The following AHNAK variants were observed in gnomAD, a reference collection of about 807,000 sequenced individuals.
The protein encoded by AHNAK is neuroblast differentiation-associated protein AHNAK.
AHNAK carries 23 observed loss-of-function variants against 37.8 expected under a neutral mutation model. That is an observed-to-expected ratio of 0.61 (90% CI 0.44 to 0.86). AHNAK has a LOEUF of 0.86. Among genes scored for constraint, AHNAK ranks in the 40% least tolerant of loss-of-function variants. The pLI is 0.00. For missense variants in AHNAK, 7,411 were observed against 7,319.4 expected (o/e 1.01, Z -0.46); for synonymous variants, 2,481 against 2,636.3 (o/e 0.94, Z 1.80).
chr11:62,525,906 C>T lies in AHNAK; in HGVS notation c.8511G>A (p.Met2837Ile). The T allele has an allele frequency of 6.2e-7, 1 of 1,614,218 alleles. No individual in the cohort carries two copies. Among genetic ancestry groups the T allele is most frequent in the South Asian group, 1.1e-5 (1 of 91,078 alleles). ...EMHFKTPKISMPDIDLNLTGP... is the reference protein window; with the variant it reads ...EMHFKTPKISIPDIDLNLTGP... ...CTGTGAGATTCAGGTCAATATCTGG[C>T]ATGGATATCTTTGGAGTCTTAAAAT... The change falls in exon 5 of 5, where the codon ATG becomes ATA. Residue 2837 changes from methionine (M) to isoleucine (I), a missense_variant. Transcript: ENST00000378024.
intron 5 of AHNAK, among the ~76,000 whole-genome samples, chr11:62,487,105 C>T (rs532780978): frequency 7.2e-5 from 11 of 152,258 alleles, no homozygotes; most frequent in Admixed American, 5.9e-4. Flanking sequence ...ACCAGTGGTG[C>T]GGGACGTCTG....
intron 5 of AHNAK, among the ~76,000 whole-genome samples, chr11:62,474,725 A>G (rs1231294643): frequency 6.6e-6 from 1 of 152,206 alleles, no homozygotes; most frequent in Admixed American, 6.5e-5. Context: ...TGAGCTGGAC[A>G]TTTAGTCAGT....
chr11:62,445,864 A>G (rs1280298593), intron 5 of AHNAK, among the ~76,000 whole-genome samples: 1 of 151,942 alleles, frequency 6.6e-6, no homozygotes, highest in Non-Finnish European at 1.5e-5. Context: ...TAAAAATACA[A>G]AGTTAGCTGG....
At chr11:62,462,205 C>T (rs7941211) in intron 5 of AHNAK, among the ~76,000 whole-genome samples, 5 of 152,154 alleles carry the variant, frequency 3.3e-5, no homozygotes, top group African/African-American at 1.2e-4. Flanking sequence ...ACAGTCCCCC[C>T]ACCCCAACGC....
intron 4 of AHNAK, among the ~76,000 whole-genome samples, chr11:62,509,129 A>C (rs1310554509): frequency 2.6e-5 from 4 of 152,296 alleles, no homozygotes; most frequent in Middle Eastern, 3.4e-3. Context: ...TTCCTGCCCC[A>C]AAATGTATAA....
At position 62,519,655 on chromosome 11, in the gene AHNAK, A is replaced by G. The variant is rs1165275037; in HGVS notation, c.14762T>C (p.Val4921Ala). 6 of 1,614,034 alleles carry G rather than the reference A, an allele frequency of 3.7e-6. No individual in the cohort carries two copies. The highest frequency in any genetic ancestry group is 5.1e-6 in the Non-Finnish European group (6 of 1,179,990). Residue 4921 changes from valine (V) to alanine (A), a missense_variant, in exon 5 of 5, where the codon GTT becomes GCT. Physicochemically the swap from Val to Ala is moderately conservative, Grantham distance 64. Coordinates refer to ENST00000378024, the MANE Select transcript of AHNAK (RefSeq NM_001620.3). ...TTTTGGTGCCTTGAGATGCAAATCA[A>G]CATCAGGAGCAGTTACTTTAGGAGC... ...ISAPKVTAPD[V>A]DLHLKAPKIG...
rs1400585232 is a variant in AHNAK, at chr11:62,523,387, T to A, written c.11030A>T (p.Asp3677Val). 1 of 1,613,020 alleles carries A rather than the reference T, an allele frequency of 6.2e-7. No individual in the cohort carries two copies. Among genetic ancestry groups the A allele is most frequent in the Non-Finnish European group, 8.5e-7 (1 of 1,179,644 alleles). ...KAPKISMPDFDLNLKGPKMKG... is the reference protein window; with the variant it reads ...KAPKISMPDFVLNLKGPKMKG... ...CATTTTGGGTCCCTTCAAGTTCAGG[T>A]CAAAGTCAGGCATGGAGATCTTGGG... The change falls in exon 5 of 5, where the codon GAC becomes GTC. Residue 3677 changes from aspartate to valine, a missense_variant. Asp to Val is a radical substitution (Grantham distance 152). Transcript: ENST00000378024.
At chr11:62,435,991 A>T (rs1385732628) in intron 5 of AHNAK, among the ~76,000 whole-genome samples, 1 of 152,238 alleles carries the variant, frequency 6.6e-6, no homozygotes, top group Non-Finnish European at 1.5e-5. Context: ...CAGGAAACAA[A>T]GGCTTTGAGA....
In AHNAK at chr11:62,444,540, C is replaced by A. The variant is rs1393506274; in HGVS notation, c.443-10649G>T. ...CAGCGTGCCCCGCCCGGCAGCTGCT[C>A]GCCCTCCAGGATGTCCGCGCCGTGG... On this transcript the variant is annotated intron_variant, in intron 5 of 5. Transcript: ENST00000257247. Among the ~76,000 whole-genome samples the A allele has an allele frequency of 2.6e-5, 4 of 152,262 alleles. No individual in the cohort carries two copies. In the East Asian group the frequency reaches 5.8e-4, roughly 22 times the overall value.
intron 5 of AHNAK, among the ~76,000 whole-genome samples, chr11:62,471,802 C>T (rs1253668953): frequency 6.6e-6 from 1 of 152,146 alleles, no homozygotes; most frequent in Non-Finnish European, 1.5e-5. Flanking sequence ...CCACAGGCAC[C>T]CCTCAGCCCC....
rs1940473478 is a variant in AHNAK, at chr11:62,526,093, C to T, written c.8324G>A (p.Ser2775Asn). The change falls in exon 5 of 5, where the codon AGC becomes AAC. Residue 2775 changes from serine to asparagine, a missense_variant. Transcript: ENST00000378024. Reference sequence around the variant, plus strand: ...ACCTTCTCCTTTGAAGCCAGGCATGCTGATCTTGGGCATTTTTATCTTGGG... The same window carrying T: ...ACCTTCTCCTTTGAAGCCAGGCATGTTGATCTTGGGCATTTTTATCTTGGG... Reference protein sequence around the residue: ...KMPKIKMPKISMPGFKGEGPD... With the variant: ...KMPKIKMPKINMPGFKGEGPD... 4 of 1,613,476 alleles carry T rather than the reference C, an allele frequency of 2.5e-6. No homozygotes were observed. The East Asian group carries it at 8.9e-5, about 36-fold the overall frequency.
chr11:62,444,689 G>A (rs1166484922), intron 5 of AHNAK, among the ~76,000 whole-genome samples: 8 of 152,216 alleles, frequency 5.3e-5, no homozygotes, highest in African/African-American at 1.9e-4. Flanking sequence ...TTCCCATGGG[G>A]CACAGCACGC....
intron 4 of AHNAK, among the ~76,000 whole-genome samples, chr11:62,508,332 GT>G (rs1326712206): frequency 6.6e-6 from 1 of 152,126 alleles, no homozygotes; most frequent in Non-Finnish European, 1.5e-5. Flanking sequence ...AACTCTATGA[GT>G]TGAGACCAAT....
intron 5 of AHNAK, among the ~76,000 whole-genome samples, chr11:62,436,470 T>C (rs7128607): frequency 0.13 from 20,530 of 152,092 alleles, 1,648 homozygotes; most frequent in Middle Eastern, 0.2. Context: ...CTCTCTAAGC[T>C]TCAGTTTCCT....
At chr11:62,499,077 G>C (rs1402397112) in intron 4 of AHNAK, among the ~76,000 whole-genome samples, 1 of 152,190 alleles carries the variant, frequency 6.6e-6, no homozygotes, top group Non-Finnish European at 1.5e-5. Context: ...GGTGGGAGTG[G>C]TCTCTGGAAG....
intron 5 of AHNAK, among the ~76,000 whole-genome samples, chr11:62,467,871 C>A (rs555351087): frequency 2.8e-4 from 43 of 152,294 alleles, no homozygotes; most frequent in African/African-American, 1.0e-3. Context: ...TTTTCTCAGA[C>A]AAATGGCTGC....
intron 4 of AHNAK, 93 bp from the exon 5 acceptor site, chr11:62,534,167 T>C: frequency 7.3e-7 from 1 of 1,368,002 alleles, no homozygotes; most frequent in East Asian, 2.5e-5. Flanking sequence ...CGTTGCCTGT[T>C]TCCCAGAGAA....
chr11:62,457,514 C>A (rs535692251), intron 5 of AHNAK, among the ~76,000 whole-genome samples: 1 of 151,924 alleles, frequency 6.6e-6, no homozygotes, highest in African/African-American at 2.4e-5. Context: ...CCTGTAATCC[C>A]AGCTACTCAG....
chr11:62,476,262 G>A (rs1208274838), intron 5 of AHNAK, among the ~76,000 whole-genome samples: 1 of 152,140 alleles, frequency 6.6e-6, no homozygotes, highest in Non-Finnish European at 1.5e-5. Flanking sequence ...GGTGGCGCAT[G>A]GCTATAATTC....
Sources: gnomAD v4.1 joint callset for allele counts (sites outside exome capture counted in the v4.1 genomes callset) on GRCh38, gnomAD v4.1.1 for gene constraint, MANE v1.5 for transcripts, NCBI Gene and HGNC (gene_info 2026-07-23, HGNC 2026-07-21) for gene names.